The following CBLB variants were observed in gnomAD, a reference collection of about 807,000 sequenced individuals.
CBLB encodes the protein E3 ubiquitin-protein ligase CBL-B.
In CBLB, 31 loss-of-function variants were observed where a neutral mutation model predicts 104.9. The observed-to-expected ratio is 0.30, with a 90% CI of 0.22 to 0.40. The LOEUF (loss-of-function observed/expected upper bound fraction) is 0.40, where lower values mean the gene tolerates loss of function less well. CBLB is among the 10% of genes least tolerant of loss of function. The probability of loss-of-function intolerance (pLI) is 1.00; values close to 1 mark genes in which losing one functional copy is unlikely to be tolerated. For missense variants in CBLB, 1,062 were observed against 1,214.6 expected, an observed-to-expected ratio of 0.87 and a Z score of 1.87; for synonymous variants, 440 against 422.6, an observed-to-expected ratio of 1.04 and a Z score of -0.51.
Position 105,866,761 on chromosome 3 carries a change from G to C in CBLB, c.168+649C>G, listed in dbSNP as rs114781220. Among the ~76,000 whole-genome samples the C allele has an allele frequency of 3.8e-3, 572 of 152,222 alleles. 4 individuals carry two copies. The highest frequency in any genetic ancestry group is 0.013 in the African/African-American group (531 of 41,528). ...GAAAGCAACATGCAGAAACCACAGA[G>C]GTTTCTGATACTCTCAGCCTCACCA... On this transcript the variant is annotated intron_variant, in intron 2 of 18. Coordinates refer to ENST00000394030, the MANE Select transcript of CBLB (RefSeq NM_170662.5).
chr3:105,753,902 T>C (rs544468747), intron 4 of CBLB, among the ~76,000 whole-genome samples: 1 of 152,190 alleles, frequency 6.6e-6, no homozygotes, highest in Non-Finnish European at 1.5e-5. Context: ...AATAACAATT[T>C]ACAAAAGGAC....
chr3:105,784,173 AAACCTAATATGT>A (rs2080668730), intron 3 of CBLB, among the ~76,000 whole-genome samples: 2 of 152,228 alleles, frequency 1.3e-5, no homozygotes, highest in South Asian at 4.1e-4. Flanking sequence ...TCTTTTGATG[AAACCTAATATGT>A]AACAAGTATC....
At chr3:105,695,791 G>A (rs188910395) in intron 12 of CBLB, among the ~76,000 whole-genome samples, 1 of 151,648 alleles carries the variant, frequency 6.6e-6, no homozygotes, top group Non-Finnish European at 1.5e-5. Flanking sequence ...CTTACGTTTT[G>A]TCAAGGAGAA....
chr3:105,699,585 T>A (rs866349735), intron 12 of CBLB, among the ~76,000 whole-genome samples: 21 of 152,126 alleles, frequency 1.4e-4, no homozygotes, highest in African/African-American at 5.1e-4. Context: ...GGATCCTAAG[T>A]GATTATGTCA....
At chr3:105,685,282 T>G (rs1189458268) in intron 14 of CBLB, 38 bp downstream of exon 14, 1 of 1,545,960 alleles carries the variant, frequency 6.5e-7, no homozygotes. Flanking sequence ...ATAATGCTTA[T>G]GCAGATGTAA....
chr3:105,726,891 T>G (rs1471251826), intron 9 of CBLB, among the ~76,000 whole-genome samples: 1 of 152,222 alleles, frequency 6.6e-6, no homozygotes, highest in Non-Finnish European at 1.5e-5. Flanking sequence ...CTCATCCTTT[T>G]TTATGGCTGC....
chr3:105,717,641 G>T (rs554129747), intron 10 of CBLB, among the ~76,000 whole-genome samples: 24 of 152,204 alleles, frequency 1.6e-4, no homozygotes, highest in East Asian at 1.2e-3. Context: ...TTTCAGAAGA[G>T]GAAATCAGGC....
chr3:105,776,997 A>C (rs13060223), intron 3 of CBLB, among the ~76,000 whole-genome samples: 101,726 of 151,966 alleles, frequency 0.67, 35,088 homozygotes, highest in Middle Eastern at 0.79. Flanking sequence ...AGAGAAAGGG[A>C]GGATGCAGAG....
intron 10 of CBLB, among the ~76,000 whole-genome samples, chr3:105,716,957 C>A (rs1050144906): frequency 6.6e-6 from 1 of 152,078 alleles, no homozygotes; most frequent in African/African-American, 2.4e-5. Context: ...TATGAATGGT[C>A]TTGGGAGCGG....
chr3:105,707,270 G>A (rs1180271316), intron 10 of CBLB, among the ~76,000 whole-genome samples: 2 of 152,180 alleles, frequency 1.3e-5, no homozygotes, highest in Non-Finnish European at 2.9e-5. Context: ...ACTGTGTTCT[G>A]AAGGTGATTA....
intron 10 of CBLB, among the ~76,000 whole-genome samples, chr3:105,716,499 TAACATCATAGCAATATTCTTCCA>T: frequency 6.6e-6 from 1 of 152,268 alleles, no homozygotes; most frequent in South Asian, 2.1e-4. Context: ...TATAAGAACA[TAACATCATAGCAATATTCTTCCA>T]AATTATTCAG....
At chr3:105,737,302 T>A in intron 7 of CBLB, 44 bp from the exon 8 acceptor site, 2 of 959,074 alleles carry the variant, frequency 2.1e-6, no homozygotes, top group Non-Finnish European at 3.3e-6. Context: ...ATACAAGTTT[T>A]AATTGCATTT....
chr3:105,728,460 T>C (rs2073942161), intron 9 of CBLB, among the ~76,000 whole-genome samples: 1 of 152,174 alleles, frequency 6.6e-6, no homozygotes. Flanking sequence ...ATTTTCTAGA[T>C]TCCTGAAATA....
At chr3:105,841,311 G>A (rs1224827943) in intron 3 of CBLB, among the ~76,000 whole-genome samples, 6 of 133,060 alleles carry the variant, frequency 4.5e-5, no homozygotes, top group Admixed American at 2.2e-4. Flanking sequence ...AAAAAAAAAA[G>A]GAATTAAAAA....
At chr3:105,716,807 C>G (rs1412389806) in intron 10 of CBLB, among the ~76,000 whole-genome samples, 1 of 152,154 alleles carries the variant, frequency 6.6e-6, no homozygotes, top group Non-Finnish European at 1.5e-5. Context: ...GCCAAATAAG[C>G]TACTGAAGTG....
At chr3:105,716,249 G>A (rs762957519) in intron 10 of CBLB, among the ~76,000 whole-genome samples, 13 of 152,102 alleles carry the variant, frequency 8.5e-5, no homozygotes, top group Non-Finnish European at 1.9e-4. Flanking sequence ...TTGATGCTCT[G>A]TGTATATATA....
At position 105,703,706 on chromosome 3, in the gene CBLB, A is replaced by G. The variant is rs73195953; in HGVS notation, c.1593+282T>C. ...GCAAATTATTTTAATGCATATAATG[A>G]CCTTTTAAATCTATTTTACAAAATA... On this transcript the variant is annotated intron_variant, in intron 11 of 18. Coordinates refer to ENST00000394030, the MANE Select transcript of CBLB (RefSeq NM_170662.5). Among the ~76,000 whole-genome samples, 1,432 of 152,260 alleles carry G rather than the reference A, an allele frequency of 9.4e-3. 9 individuals carry two copies. The highest frequency in any genetic ancestry group is 0.014 in the Non-Finnish European group (966 of 68,016).
At position 105,658,932 on chromosome 3, in the gene CBLB, T is replaced by C. The variant is rs149880504; in HGVS notation, c.*38A>G. On this transcript the variant is annotated 3_prime_UTR_variant, in exon 19 of 19. Transcript: ENST00000394030. Reference sequence around the variant, plus strand: ...TTTATTTCCACACTCTTGGAATACATCGATTGCTTTCCATTTTGGTGTCTA... The same window carrying C: ...TTTATTTCCACACTCTTGGAATACACCGATTGCTTTCCATTTTGGTGTCTA... The C allele has an allele frequency of 1.9e-6, 3 of 1,603,456 alleles. No homozygotes were observed. The highest frequency in any genetic ancestry group is 3.3e-5 in the Admixed American group (2 of 59,986).
chr3:105,816,519 C>A (rs988304703), intron 3 of CBLB, among the ~76,000 whole-genome samples: 1 of 152,142 alleles, frequency 6.6e-6, no homozygotes. Context: ...ATACTTCTCA[C>A]TAATCCCTAT....
Sources: allele counts gnomAD v4.1 joint callset (sites outside exome capture counted in the v4.1 genomes callset), GRCh38; gene constraint gnomAD v4.1.1; transcripts MANE v1.5; gene names NCBI Gene and HGNC (gene_info 2026-07-23, HGNC 2026-07-21).